TCFL5: variants seen among roughly 807,000 people sequenced by gnomAD.
TCFL5 encodes the protein transcription factor like 5.
Under a neutral mutation model 44.3 loss-of-function variants are expected in TCFL5, and 9 were observed. That is an observed-to-expected ratio of 0.20 (90% CI 0.12 to 0.35). The LOEUF is 0.35. Among genes scored for constraint, TCFL5 ranks in the 10% least tolerant of loss-of-function variants. The pLI is 1.00. For missense variants in TCFL5, 603 were observed against 613.4 expected, an observed-to-expected ratio of 0.98 and a Z score of 0.18; for synonymous variants, 319 against 271.6, an observed-to-expected ratio of 1.17 and a Z score of -1.72.
In TCFL5 at chr20:62,861,282, C is replaced by G; in HGVS notation, c.389G>C (p.Arg130Pro). Reference protein sequence around the residue: ...CLGHIDFQELRMMLLSEAGAA... With the variant: ...CLGHIDFQELPMMLLSEAGAA... Reference sequence around the variant, plus strand: ...GCCCGCCTCGCTTAGCAGCATCATGCGCAGCTCCTGGAAGTCGATGTGGCC... The same window carrying G: ...GCCCGCCTCGCTTAGCAGCATCATGGGCAGCTCCTGGAAGTCGATGTGGCC... The change falls in exon 1 of 6, where the codon CGC becomes CCC. Residue 130 changes from arginine to proline, a missense_variant. Around this residue, in one of 4 missense-constraint regions of TCFL5, gnomAD observed 540 missense variants for 478.7 expected, o/e 1.13. Coordinates refer to ENST00000335351, the MANE Select transcript of TCFL5 (RefSeq NM_006602.4). This position sits in a 1 kb window ranked among gnomAD's most constrained non-coding sequence, Gnocchi z 4.0. 8.2e-7 allele frequency: 1 copy of G among 1,217,054 alleles called. No homozygotes were observed. The highest frequency in any genetic ancestry group is 1.7e-5 in the South Asian group (1 of 58,786). 75.4% of individuals were successfully genotyped at this position (1,217,054 alleles called of 1,614,324 possible).
rs1440298512 is a variant in TCFL5, at chr20:62,860,284, T to C, written c.672A>G (p.Pro224=). ...LNNLVTLIRH[P]SELMNVPLQQ... ...GAAGAGGAACATTCATTAGTTCAGA[T>C]GGATGTCGAATGAGAGTTACCAAAC... The change falls in exon 2 of 6, where the codon CCA becomes CCG. Residue 224 remains proline (P), a synonymous_variant. Transcript: ENST00000335351. 2 of 1,610,906 alleles carry C rather than the reference T, an allele frequency of 1.2e-6. No homozygotes were observed. Among genetic ancestry groups the C allele is most frequent in the South Asian group, 1.1e-5 (1 of 91,022 alleles).
Position 62,851,629 on chromosome 20 carries a change from G to A in TCFL5, c.1380+2387C>T, listed in dbSNP as rs550744228. 2.9e-5 allele frequency: 29 copies of A among 985,086 alleles called. No individual in the cohort carries two copies. The African/African-American group carries it at 4.2e-4, about 14-fold the overall frequency. The allele number at this position is 985,086 out of a possible 1,614,324, so 61.0% of individuals were successfully genotyped here. ...ATTCAACATAGCATCGCTATAGAAT[G>A]CAATTAAATGTATAATGTAAATAAA... On this transcript the variant is annotated intron_variant, in intron 5 of 5. Coordinates refer to ENST00000335351, the MANE Select transcript of TCFL5 (RefSeq NM_006602.4).
At chr20:62,851,646 G>A (rs1357710512) in intron 5 of TCFL5, 1 of 985,220 alleles carries the variant, frequency 1.0e-6, no homozygotes, top group East Asian at 1.1e-4. Flanking sequence ...AATGTATAAT[G>A]TAAATAAACA....
At chr20:62,844,504 G>T (rs960259155) in intron 5 of TCFL5, among the ~76,000 whole-genome samples, 1 of 151,954 alleles carries the variant, frequency 6.6e-6, no homozygotes. Flanking sequence ...TCAGCCTCCC[G>T]AGTAGCTGGG....
Position 62,861,585 on chromosome 20 carries a change from T to G in TCFL5, c.86A>C (p.Asp29Ala). Residue 29 changes from aspartate to alanine, a missense_variant, in exon 1 of 6, where the codon GAC becomes GCC. This residue lies in a region of TCFL5 where 540 missense variants were observed against 478.7 expected (regional missense o/e 1.13). Transcript: ENST00000335351. The surrounding 1 kb of genome is among the most constrained non-coding windows in gnomAD (Gnocchi z 4.0). Reference protein sequence around the residue: ...EAAVEGAGGGDAALGEPGLSF... With the variant: ...EAAVEGAGGGAAALGEPGLSF... ...CAGCCCCGGCTCGCCCAGCGCCGCG[T>G]CCCCGCCGCCCGCGCCCTCGACGGC... is the stretch of plus-strand genomic sequence containing the variant. 1.9e-6 allele frequency: 2 copies of G among 1,067,316 alleles called. No individual in the cohort carries two copies. The highest frequency in any genetic ancestry group is 2.3e-6 in the Non-Finnish European group (2 of 880,846). The allele number at this position is 1,067,316 out of a possible 1,614,324, so 66.1% of individuals were successfully genotyped here.
chr20:62,853,538 A>G (rs2063844420), intron 5 of TCFL5, among the ~76,000 whole-genome samples: 1 of 151,818 alleles, frequency 6.6e-6, no homozygotes, highest in Non-Finnish European at 1.5e-5. Context: ...TTTAGTAGAG[A>G]TGGGGTCTTG....
intron 5 of TCFL5, chr20:62,846,225 G>A (rs1167486605): frequency 7.4e-6 from 5 of 677,714 alleles, no homozygotes; most frequent in Non-Finnish European, 1.1e-5. Context: ...CTAGGCGCTC[G>A]CAAGATCTTC....
Position 62,845,310 on chromosome 20 carries a change from C to CG in TCFL5, c.1381-3214dup, listed in dbSNP as rs3838053. ...CTAATTTTTGTATTTTTAGTAGAGA[C>CG]GGGGGTCACACCGTATTGGCCAGGC... On this transcript the variant is annotated intron_variant, in intron 5 of 5. Transcript: ENST00000335351. 7.5e-4 allele frequency: 648 copies of CG among 866,250 alleles called. 1 individual carries two copies. The East Asian group carries it at 0.015, about 20-fold the overall frequency. 53.7% of individuals were successfully genotyped at this position (866,250 alleles called of 1,614,324 possible). A position where few individuals can be genotyped will look rare whatever the true frequency, so the allele number is the denominator to read the frequency against.
In TCFL5 at chr20:62,861,038, G is replaced by A; in HGVS notation, c.633C>T (p.Gly211=). 3.0e-6 allele frequency: 3 copies of A among 994,392 alleles called. No homozygotes were observed. The highest frequency in any genetic ancestry group is 3.6e-6 in the Non-Finnish European group (3 of 837,238). The allele number at this position is 994,392 out of a possible 1,614,324, so 61.6% of individuals were successfully genotyped here. ...APRGPEPPEP[G]GALNNLVTLI... is the part of the protein sequence containing the mutation. ...CGGGCACGCACTTGTTGAGCGCCCC[G>A]CCCGGCTCGGGGGGCTCGGGGCCGC... is the stretch of plus-strand genomic sequence containing the variant. Residue 211 remains glycine, a synonymous_variant, in exon 1 of 6, where the codon GGC becomes GGT. Transcript: ENST00000335351. This position sits in a 1 kb window ranked among gnomAD's most constrained non-coding sequence, Gnocchi z 4.0.
At position 62,861,818 on chromosome 20, in the gene TCFL5, T is replaced by G. The variant is rs1445762097; in HGVS notation, c.-148A>C. ...GCGCCGTTGGGGGAGGGAAAACCGCTGAGTGCCGCGCACAGCGCCTGCGCC... is the reference window on the plus strand; with the variant it reads ...GCGCCGTTGGGGGAGGGAAAACCGCGGAGTGCCGCGCACAGCGCCTGCGCC... On this transcript the variant is annotated 5_prime_UTR_variant, in exon 1 of 6. Transcript: ENST00000335351. The surrounding 1 kb of genome is among the most constrained non-coding windows in gnomAD (Gnocchi z 4.0). 1 of 147,424 alleles carries G rather than the reference T, an allele frequency of 6.8e-6. No homozygotes were observed. The highest frequency in any genetic ancestry group is 1.5e-5 in the Non-Finnish European group (1 of 66,016). The allele number at this position is 147,424 out of a possible 1,614,324, so 9.1% of individuals were successfully genotyped here. A position where few individuals can be genotyped will look rare whatever the true frequency, so the allele number is the denominator to read the frequency against.
rs145675557 is a variant in TCFL5 at position 62,845,282 on chromosome 20, C to T, written c.1381-3185G>A. 2,803 of 798,268 alleles carry T rather than the reference C, an allele frequency of 3.5e-3. 62 individuals are homozygous for T. In the African/African-American group the frequency reaches 0.045, roughly 13 times the overall value. The allele number at this position is 798,268 out of a possible 1,614,324, so 49.4% of individuals were successfully genotyped here. On this transcript the variant is annotated intron_variant, in intron 5 of 5. Coordinates refer to ENST00000335351, the MANE Select transcript of TCFL5 (RefSeq NM_006602.4). ...GATTACAGGCATGTACCACCACGCC[C>T]GGCTAATTTTTGTATTTTTAGTAGA...
chr20:62,852,783 C>A, intron 5 of TCFL5: 1 of 1,287,650 alleles, frequency 7.8e-7, no homozygotes, highest in South Asian at 1.2e-5. Context: ...TCCACAGAAG[C>A]ACGGTCACCC....
intron 5 of TCFL5, among the ~76,000 whole-genome samples, chr20:62,849,822 G>C (rs569594240): frequency 1.3e-5 from 2 of 152,104 alleles, no homozygotes; most frequent in African/African-American, 2.4e-5. Flanking sequence ...GGTCATGATG[G>C]CACACACCTG....
Position 62,841,272 on chromosome 20 carries a change from TAAGTA to T in TCFL5, c.*698_*702del, listed in dbSNP as rs2063677829. 6.5e-6 allele frequency: 1 copy of T among 154,882 alleles called. No individual in the cohort carries two copies. The highest frequency in any genetic ancestry group is 2.4e-5 in the African/African-American group (1 of 41,436). 9.6% of individuals were successfully genotyped at this position (154,882 alleles called of 1,614,324 possible). A position where few individuals can be genotyped will look rare whatever the true frequency, so the allele number is the denominator to read the frequency against. ...TATTGCTATTACCTGTTGTGATTGA[TAAGTA>T]AAGCCACTCATTGAAAAACCCAATT... On this transcript the variant is annotated 3_prime_UTR_variant, in exon 6 of 6. Transcript: ENST00000335351.
At chr20:62,859,881 C>T (rs558613047) in intron 2 of TCFL5, among the ~76,000 whole-genome samples, 48 of 152,196 alleles carry the variant, frequency 3.2e-4, no homozygotes, top group African/African-American at 1.1e-3. Context: ...CCACTACCAC[C>T]TGGTTAATTT....
chr20:62,854,023 A>G lies in TCFL5; in HGVS notation c.1373T>C (p.Leu458Pro). The G allele has an allele frequency of 1.2e-6, 2 of 1,613,978 alleles. No homozygotes were observed. Among genetic ancestry groups the G allele is most frequent in the Middle Eastern group, 1.7e-4 (1 of 6,022 alleles). ...KYIQERHGDS[L>P]KKEFESVFCG... is the part of the protein sequence containing the mutation. Reference sequence around the variant, plus strand: ...ACCTGGCCTACCACTAACCTTTTTAAGAGAATCTCCATGTCTTTCCTGGAT... The same window carrying G: ...ACCTGGCCTACCACTAACCTTTTTAGGAGAATCTCCATGTCTTTCCTGGAT... Residue 458 changes from leucine to proline, a missense_variant, in exon 5 of 6, where the codon CTT becomes CCT. Transcript: ENST00000335351.
At chr20:62,849,310 T>C (rs2063780317) in intron 5 of TCFL5, among the ~76,000 whole-genome samples, 1 of 152,190 alleles carries the variant, frequency 6.6e-6, no homozygotes, top group Non-Finnish European at 1.5e-5. Context: ...GAGCTCTTTG[T>C]ACTGTTCTTG....
chr20:62,845,602 T>G lies in TCFL5; in HGVS notation c.1381-3505A>C. ...GAGCCTGGGCCGGCTCCGGAGAAGT[T>G]AGACCCTCGGAGCTGGTCTCGGACT... On this transcript the variant is annotated intron_variant, in intron 5 of 5. Transcript: ENST00000335351. 3.8e-6 allele frequency: 6 copies of G among 1,575,660 alleles called. No individual in the cohort carries two copies. In the South Asian group the frequency reaches 6.8e-5, roughly 18 times the overall value.
chr20:62,859,712 T>TG (rs1163726582), intron 2 of TCFL5, among the ~76,000 whole-genome samples, 186 bp from the exon 3 acceptor site: 1 of 146,392 alleles, frequency 6.8e-6, no homozygotes, highest in Non-Finnish European at 1.5e-5. Flanking sequence ...GGTATTTTTT[T>TG]GTTTTTGTTT....
Sources: allele counts gnomAD v4.1 joint callset (sites outside exome capture counted in the v4.1 genomes callset), GRCh38; gene constraint gnomAD v4.1.1; regional missense constraint gnomAD v4.1.1; non-coding constraint Gnocchi (gnomAD v3.1); transcripts MANE v1.5; gene names NCBI Gene and HGNC (gene_info 2026-07-23, HGNC 2026-07-21).